The following CEMIP variants were observed in gnomAD, a reference collection of about 807,000 sequenced individuals.
The protein encoded by CEMIP is cell migration inducing hyaluronidase 1.
Under a neutral mutation model 156.9 loss-of-function variants are expected in CEMIP, and 105 were observed. That is an observed-to-expected ratio of 0.67 (90% CI 0.57 to 0.79). The LOEUF (loss-of-function observed/expected upper bound fraction) is 0.79, where lower values mean the gene tolerates loss of function less well. CEMIP is among the 30% of genes least tolerant of loss of function. CEMIP has a pLI of 0.00. For synonymous variants in CEMIP, 676 were observed against 668.4 expected (o/e 1.01, Z -0.17); for missense variants, 1,457 against 1,769.4 (o/e 0.82, Z 3.17).
intron 1 of CEMIP, among the ~76,000 whole-genome samples, chr15:80,828,384 G>GAA (rs71975281): frequency 5.9e-4 from 83 of 140,336 alleles, no homozygotes; most frequent in African/African-American, 2.0e-3. Flanking sequence ...TGTCTCAAAA[G>GAA]AAAAAAAAAA....
At chr15:80,921,887 G>C in intron 16 of CEMIP, 122 bp from the exon 17 acceptor site, 2 of 1,272,860 alleles carry the variant, frequency 1.6e-6, no homozygotes, top group Non-Finnish European at 2.3e-6. Context: ...GGCACCGAGG[G>C]CTCCTGTGGG....
intron 1 of CEMIP, among the ~76,000 whole-genome samples, chr15:80,833,641 T>C (rs4778862): frequency 2.0e-5 from 3 of 151,332 alleles, no homozygotes; most frequent in Admixed American, 6.6e-5. Flanking sequence ...TCATCATTTG[T>C]AGTAGGAGCA....
chr15:80,887,760 T>C lies in CEMIP; in HGVS notation c.864T>C (p.Tyr288=). Residue 288 remains tyrosine, a synonymous_variant, in exon 8 of 30, where the codon TAT becomes TAC. Transcript: ENST00000394685. The part of the protein sequence containing the change: ...PSSSVEDHIE[Y]HGHRGSAAAR... ...CTTCAGTGGAAGACCATATTGAATA[T>C]CATGGTAATACATAGCTGGCTGGAG... 1 of 1,611,416 alleles carries C rather than the reference T, an allele frequency of 6.2e-7. No homozygotes were observed. Among genetic ancestry groups the C allele is most frequent in the Non-Finnish European group, 8.5e-7 (1 of 1,177,810 alleles).
chr15:80,780,718 A>G (rs553733718), intron 1 of CEMIP, among the ~76,000 whole-genome samples: 1 of 152,294 alleles, frequency 6.6e-6, no homozygotes, highest in East Asian at 1.9e-4. Context: ...CGGTCTGGAA[A>G]GTGATCCAGG....
intron 1 of CEMIP, among the ~76,000 whole-genome samples, chr15:80,809,339 A>T (rs1451102563): frequency 1.3e-5 from 2 of 152,220 alleles, no homozygotes; most frequent in African/African-American, 4.8e-5. Flanking sequence ...CTTGCAAAAG[A>T]ATGTTTATTT....
In CEMIP at chr15:80,802,368, CCTTCCTGATGGCT is replaced by C. The variant is rs548618014; in HGVS notation, c.-176+22757_-176+22769del. Among the ~76,000 whole-genome samples the C allele has an allele frequency of 9.2e-5, 14 of 152,352 alleles. No individual in the cohort carries two copies. In the East Asian group the frequency reaches 2.7e-3, roughly 29 times the overall value. ...GCCAAAGCCCTGTTATCCCTTTCGC[CCTTCCTGATGGCT>C]CTGCCTCTGCCTTCAGCTGGGCGTG... is the stretch of plus-strand genomic sequence containing the variant. On this transcript the variant is annotated intron_variant, in intron 1 of 29. Transcript: ENST00000394685.
intron 3 of CEMIP, among the ~76,000 whole-genome samples, chr15:80,874,394 G>C (rs1026673357): frequency 1.3e-5 from 2 of 151,920 alleles, no homozygotes; most frequent in African/African-American, 4.8e-5. Context: ...GAAATCTAGA[G>C]CTTTATGTAA....
At position 80,895,779 on chromosome 15, in the gene CEMIP, T is replaced by C; in HGVS notation, c.1220-90T>C. On this transcript the variant is annotated intron_variant, in intron 11 of 29. Transcript: ENST00000394685. ...TGGATAGGCAAACCTGGCATTTAGT[T>C]ATTTAGGGAGGGGAAGGGAAAAAAG... 2.5e-6 allele frequency: 3 copies of C among 1,183,772 alleles called. No individual in the cohort carries two copies. In the South Asian group the frequency reaches 3.8e-5, roughly 15 times the overall value. The allele number at this position is 1,183,772 out of a possible 1,614,324, so 73.3% of individuals were successfully genotyped here.
At chr15:80,849,019 C>A (rs1025807873) in intron 1 of CEMIP, among the ~76,000 whole-genome samples, 4 of 111,536 alleles carry the variant, frequency 3.6e-5, no homozygotes, top group African/African-American at 7.1e-5. Context: ...AGAGATAGAG[C>A]CTTGCTCTGT....
rs972244634 is a variant in CEMIP, at chr15:80,932,827, C to T, written c.2794-418C>T. Among the ~76,000 whole-genome samples the T allele has an allele frequency of 6.6e-6, 1 of 152,182 alleles. No homozygotes were observed. The highest frequency in any genetic ancestry group is 2.4e-5 in the African/African-American group (1 of 41,430). On this transcript the variant is annotated intron_variant, in intron 22 of 29. Transcript: ENST00000394685. This position sits in a 1 kb window ranked among gnomAD's most constrained non-coding sequence, Gnocchi z 4.5. ...ATCTTCTCTCGCACACGGATGCCCC[C>T]GTGTATGTGTGTGTGTATGTGTAAA...
At chr15:80,828,339 C>T (rs1216028885) in intron 1 of CEMIP, among the ~76,000 whole-genome samples, 1 of 151,794 alleles carries the variant, frequency 6.6e-6, no homozygotes, top group African/African-American at 2.4e-5. Context: ...GAGATTGTGC[C>T]ACTGCACTCC....
intron 19 of CEMIP, among the ~76,000 whole-genome samples, chr15:80,926,833 C>CTTTTTTTTTTTTTTTT (rs1900697891): frequency 9.6e-6 from 1 of 104,128 alleles, no homozygotes; most frequent in African/African-American, 4.5e-5. Flanking sequence ...GGGGGGGGGT[C>CTTTTTTTTTTTTTTTT]TTCTTTTTTT....
At chr15:80,845,566 C>T (rs1267264943) in intron 1 of CEMIP, among the ~76,000 whole-genome samples, 1 of 152,202 alleles carries the variant, frequency 6.6e-6, no homozygotes, top group Non-Finnish European at 1.5e-5. Flanking sequence ...TGCTGATCAT[C>T]ACCTTCCTCT....
At chr15:80,798,372 C>T (rs1896286740) in intron 1 of CEMIP, among the ~76,000 whole-genome samples, 3 of 152,062 alleles carry the variant, frequency 2.0e-5, no homozygotes, top group Admixed American at 2.0e-4. Flanking sequence ...TTACTATTAA[C>T]ATTTAAAATG....
At chr15:80,863,993 C>T (rs1212895949) in intron 1 of CEMIP, among the ~76,000 whole-genome samples, 3 of 152,100 alleles carry the variant, frequency 2.0e-5, no homozygotes, top group African/African-American at 7.2e-5. Context: ...CTTTTGGGAT[C>T]TGTGCTTTGC....
chr15:80,889,409 T>C (rs2141845504), intron 9 of CEMIP, 62 bp from the exon 10 acceptor site: 2 of 1,612,084 alleles, frequency 1.2e-6, no homozygotes, highest in African/African-American at 1.3e-5. Flanking sequence ...GAGACAACAC[T>C]GAGTGTGACT....
chr15:80,873,204 G>T (rs1237759381), intron 1 of CEMIP, among the ~76,000 whole-genome samples: 1 of 152,112 alleles, frequency 6.6e-6, no homozygotes, highest in Non-Finnish European at 1.5e-5. Flanking sequence ...TAAAAACCAG[G>T]GATTCTGTTA....
chr15:80,805,026 C>T (rs967579113), intron 1 of CEMIP, among the ~76,000 whole-genome samples: 5 of 152,146 alleles, frequency 3.3e-5, no homozygotes, highest in African/African-American at 1.2e-4. Flanking sequence ...GCACGTTTTC[C>T]CCTTTGTGCA....
At chr15:80,877,450 C>A (rs956905384) in intron 3 of CEMIP, among the ~76,000 whole-genome samples, 1 of 152,196 alleles carries the variant, frequency 6.6e-6, no homozygotes, top group Admixed American at 6.5e-5. Flanking sequence ...CACCTCCTCA[C>A]CCCCAACCCG....
Sources: gnomAD v4.1 joint callset for allele counts (sites outside exome capture counted in the v4.1 genomes callset) on GRCh38, gnomAD v4.1.1 for gene constraint, Gnocchi (gnomAD v3.1) non-coding constraint, MANE v1.5 for transcripts, NCBI Gene and HGNC (gene_info 2026-07-23, HGNC 2026-07-21) for gene names.